DOCK3: variants seen among roughly 807,000 people sequenced by gnomAD.
DOCK3 encodes the protein dedicator of cytokinesis protein 3.
A neutral mutation model predicts 265.6 loss-of-function variants in DOCK3; 60 were observed. That is an observed-to-expected ratio of 0.23 (90% CI 0.18 to 0.28). The LOEUF (loss-of-function observed/expected upper bound fraction) is 0.28, where lower values mean the gene tolerates loss of function less well. DOCK3 is among the 10% of genes least tolerant of loss of function. The pLI is 1.00. For synonymous variants in DOCK3, 881 were observed against 938.0 expected (o/e 0.94, Z 1.11); for missense variants, 1,981 against 2,594.3 (o/e 0.76, Z 5.14).
At chr3:51,275,466 AATTCTGTGTC>A (rs1212037451) in intron 25 of DOCK3, among the ~76,000 whole-genome samples, 4 of 152,212 alleles carry the variant, frequency 2.6e-5, no homozygotes, top group African/African-American at 4.8e-5. Flanking sequence ...CACAAAGCCC[AATTCTGTGTC>A]ATGCTGTTTC....
At chr3:50,960,544 GGTT>G (rs1248016628) in intron 5 of DOCK3, among the ~76,000 whole-genome samples, 1 of 151,632 alleles carries the variant, frequency 6.6e-6, no homozygotes, top group Non-Finnish European at 1.5e-5. Flanking sequence ...TTTTCCATTA[GGTT>G]GTTTGTCTTA....
chr3:51,011,197 T>A (rs1055325952), intron 5 of DOCK3, among the ~76,000 whole-genome samples: 7 of 152,230 alleles, frequency 4.6e-5, no homozygotes, highest in Middle Eastern at 3.2e-3. Flanking sequence ...TTCTCCTGGA[T>A]AATATCCTGC....
chr3:50,929,292 C>T (rs1273312224), intron 4 of DOCK3, among the ~76,000 whole-genome samples: 7 of 152,102 alleles, frequency 4.6e-5, no homozygotes, highest in Non-Finnish European at 1.5e-5. Context: ...GGAACCAGGT[C>T]CTTCAACAGC....
chr3:51,090,192 T>C (rs2082585968), intron 8 of DOCK3, 38 bp from the exon 9 acceptor site: 1 of 1,514,558 alleles, frequency 6.6e-7, no homozygotes, highest in South Asian at 1.3e-5. Flanking sequence ...AAAAAATAAC[T>C]AAAATAAAAA....
chr3:50,722,136 A>T (rs569829308), intron 1 of DOCK3, among the ~76,000 whole-genome samples: 1 of 152,274 alleles, frequency 6.6e-6, no homozygotes, highest in East Asian at 1.9e-4. Context: ...GCTGAGAGAG[A>T]TCCTCCTGAG....
intron 9 of DOCK3, among the ~76,000 whole-genome samples, chr3:51,095,114 A>G (rs1273599538): frequency 1.3e-5 from 2 of 151,550 alleles, no homozygotes; most frequent in Non-Finnish European, 2.9e-5. Flanking sequence ...TCTTTATCCA[A>G]TTTACCAGTC....
At chr3:51,271,880 A>AT (rs1553825056) in intron 24 of DOCK3, among the ~76,000 whole-genome samples, 2 of 149,024 alleles carry the variant, frequency 1.3e-5, no homozygotes, top group African/African-American at 5.0e-5. Context: ...AGGCCCTGAA[A>AT]GGGGCCCTGA....
intron 27 of DOCK3, among the ~76,000 whole-genome samples, chr3:51,301,255 T>C (rs2082345161): frequency 6.6e-6 from 1 of 152,218 alleles, no homozygotes. Flanking sequence ...GATATCCCCT[T>C]TGTCATTTTT....
At chr3:50,903,269 T>C (rs1169623253) in intron 4 of DOCK3, among the ~76,000 whole-genome samples, 2 of 152,202 alleles carry the variant, frequency 1.3e-5, no homozygotes, top group Non-Finnish European at 2.9e-5. Context: ...TGCTTCCAGC[T>C]TTTGCCTTTT....
intron 6 of DOCK3, among the ~76,000 whole-genome samples, chr3:51,073,166 T>A (rs2081943848): frequency 6.6e-6 from 1 of 152,234 alleles, no homozygotes; most frequent in African/African-American, 2.4e-5. Context: ...AAAAGTTTAA[T>A]GTGACTACAG....
chr3:51,216,143 G>A (rs2089775618), intron 14 of DOCK3, among the ~76,000 whole-genome samples: 1 of 152,106 alleles, frequency 6.6e-6, no homozygotes, highest in Admixed American at 6.6e-5. Context: ...CTGAGATTTG[G>A]ATACTACCTT....
chr3:50,812,101 G>C (rs559640547), intron 2 of DOCK3, among the ~76,000 whole-genome samples: 2 of 152,348 alleles, frequency 1.3e-5, no homozygotes, highest in East Asian at 3.9e-4. Flanking sequence ...ATGCGTTGGA[G>C]CTGGTCTATA....
chr3:50,748,969 G>C (rs1211593934), intron 1 of DOCK3, among the ~76,000 whole-genome samples: 2 of 152,004 alleles, frequency 1.3e-5, no homozygotes, highest in Non-Finnish European at 2.9e-5. Context: ...CTGTCTTTTA[G>C]ATCTGTTAGA....
chr3:51,305,725 T>TGTGTGC (rs1553847723), intron 27 of DOCK3, among the ~76,000 whole-genome samples: 148 of 41,972 alleles, frequency 3.5e-3, no homozygotes, highest in South Asian at 0.027. Flanking sequence ...TCTGTGTGTG[T>TGTGTGC]GTGTGTGCGC....
chr3:51,153,148 G>T (rs1173089434), intron 10 of DOCK3, among the ~76,000 whole-genome samples: 1 of 152,220 alleles, frequency 6.6e-6, no homozygotes, highest in Non-Finnish European at 1.5e-5. Context: ...AGCTGTGGTG[G>T]GCTCTGCCCG....
intron 5 of DOCK3, among the ~76,000 whole-genome samples, chr3:51,006,543 T>C (rs2078684027): frequency 6.6e-6 from 1 of 152,188 alleles, no homozygotes; most frequent in Non-Finnish European, 1.5e-5. Flanking sequence ...CTTGAAAAGA[T>C]TGAGTCTCAT....
chr3:50,890,230 T>A, intron 4 of DOCK3, 149 bp downstream of exon 4: 1 of 562,042 alleles, frequency 1.8e-6, no homozygotes, highest in Non-Finnish European at 2.9e-6. Context: ...TTTGAGGGAA[T>A]AATGTTTTCT....
chr3:50,905,621 A>G (rs914911514), intron 4 of DOCK3, among the ~76,000 whole-genome samples: 5 of 152,186 alleles, frequency 3.3e-5, no homozygotes, highest in Admixed American at 1.3e-4. Flanking sequence ...TTGTATCCTG[A>G]GACTTTGCTG....
At chr3:51,370,613 C>T (rs895546308) in intron 49 of DOCK3, among the ~76,000 whole-genome samples, 2 of 152,242 alleles carry the variant, frequency 1.3e-5, no homozygotes, top group African/African-American at 2.4e-5. Context: ...CTGCATGGCT[C>T]TTGCCACGGG....
Sources: allele counts gnomAD v4.1 joint callset (sites outside exome capture counted in the v4.1 genomes callset), GRCh38; gene constraint gnomAD v4.1.1; transcripts MANE v1.5; gene names NCBI Gene and HGNC (gene_info 2026-07-23, HGNC 2026-07-21).